The following TECRL variants were observed in gnomAD, a reference collection of about 807,000 sequenced individuals.
TECRL encodes the protein trans-2,3-enoyl-CoA reductase like, also known as trans-2,3-enoyl-CoA reductase-like.
In TECRL, 63 loss-of-function variants were observed where a neutral mutation model predicts 52.8. That is an observed-to-expected ratio of 1.19 (90% CI 0.97 to 1.47). TECRL has a LOEUF of 1.47. Ranked by LOEUF, TECRL falls within the 40% of genes most tolerant of loss-of-function variation. The pLI, the probability that TECRL is intolerant of heterozygous loss-of-function variation, is 0.00. For missense variants in TECRL, 482 were observed against 429.6 expected (o/e 1.12, Z -1.08); for synonymous variants, 164 against 141.9 (o/e 1.16, Z -1.10).
At chr4:64,311,996 T>C (rs1717039683) in intron 5 of TECRL, among the ~76,000 whole-genome samples, 1 of 152,132 alleles carries the variant, frequency 6.6e-6, no homozygotes, top group Admixed American at 6.6e-5. Context: ...TAAGGAAATG[T>C]TCAGGTAACA....
intron 7 of TECRL, 111 bp downstream of exon 7, chr4:64,305,055 T>C (rs1724249042): frequency 1.3e-6 from 1 of 748,628 alleles, no homozygotes; most frequent in African/African-American, 1.7e-5. Context: ...ATGAAAGCAA[T>C]TTAAAATGAA....
At chr4:64,298,523 T>C (rs137907331) in intron 8 of TECRL, among the ~76,000 whole-genome samples, 179 of 151,346 alleles carry the variant, frequency 1.2e-3, no homozygotes, top group African/African-American at 4.1e-3. Flanking sequence ...GTAACATAAC[T>C]TTTTTAAATA....
intron 8 of TECRL, among the ~76,000 whole-genome samples, chr4:64,297,461 TTAAGA>T (rs1243929858): frequency 6.6e-6 from 1 of 151,034 alleles, no homozygotes; most frequent in Non-Finnish European, 1.5e-5. Flanking sequence ...GCATTTACAA[TTAAGA>T]TAAGTCTTTT....
At chr4:64,347,164 A>G (rs1445341830) in intron 2 of TECRL, among the ~76,000 whole-genome samples, 2 of 152,058 alleles carry the variant, frequency 1.3e-5, no homozygotes, top group African/African-American at 4.8e-5. Flanking sequence ...TTCATCCTCC[A>G]CTCAATGTCA....
At chr4:64,328,735 G>A (rs574311975) in intron 2 of TECRL, among the ~76,000 whole-genome samples, 179 bp from the exon 3 acceptor site, 21 of 152,008 alleles carry the variant, frequency 1.4e-4, no homozygotes, top group Admixed American at 1.4e-3. Context: ...GACGGATAGT[G>A]ACTGAGAGAA....
intron 1 of TECRL, among the ~76,000 whole-genome samples, chr4:64,386,222 T>G (rs1723170306): frequency 1.3e-5 from 2 of 152,136 alleles, no homozygotes; most frequent in African/African-American, 4.8e-5. Flanking sequence ...TTAACCATTA[T>G]AAAGCATATA....
Position 64,339,426 on chromosome 4 carries a change from G to T in TECRL, c.287-10870C>A, listed in dbSNP as rs567174498. 2.6e-5 allele frequency among the ~76,000 whole-genome samples: 4 copies of T among 151,532 alleles called. No individual in the cohort carries two copies. In the East Asian group the frequency reaches 5.8e-4, roughly 22 times the overall value. On this transcript the variant is annotated intron_variant, in intron 2 of 11. Transcript: ENST00000381210. ...CTGCATGTTTTGCACATGTACCCTA[G>T]AACTTAAAGTATAATAAAAATATAT...
intron 2 of TECRL, among the ~76,000 whole-genome samples, chr4:64,329,567 T>G (rs1345375442): frequency 6.6e-6 from 1 of 151,908 alleles, no homozygotes; most frequent in African/African-American, 2.4e-5. Context: ...CTATTATGTG[T>G]GGGTATTGTA....
intron 2 of TECRL, among the ~76,000 whole-genome samples, chr4:64,329,297 A>T (rs1470648636): frequency 6.6e-6 from 1 of 151,960 alleles, no homozygotes; most frequent in East Asian, 1.9e-4. Flanking sequence ...CAAATTTACC[A>T]CACGTATAAT....
chr4:64,374,244 C>T (rs12510045), intron 2 of TECRL, among the ~76,000 whole-genome samples: 134,633 of 150,410 alleles, frequency 0.9, 60,961 homozygotes, highest in East Asian at 1. Flanking sequence ...TTCCTTCCTG[C>T]ATAGGCTTTC....
intron 10 of TECRL, 35 bp downstream of exon 10, chr4:64,281,439 T>G (rs1462715303): frequency 1.6e-6 from 2 of 1,261,466 alleles, no homozygotes; most frequent in Admixed American, 4.1e-5. Flanking sequence ...ATATCATGAA[T>G]AGGATTCAAG....
At chr4:64,283,085 T>G (rs1012333616) in intron 9 of TECRL, among the ~76,000 whole-genome samples, 4 of 152,004 alleles carry the variant, frequency 2.6e-5, no homozygotes, top group African/African-American at 9.7e-5. Context: ...ACTCACTGAT[T>G]TAGCTTTACT....
intron 4 of TECRL, among the ~76,000 whole-genome samples, chr4:64,322,059 C>T (rs777885042): frequency 2.0e-5 from 3 of 151,928 alleles, no homozygotes; most frequent in African/African-American, 4.8e-5. Context: ...AGAAATTGAC[C>T]CCTATTACTG....
rs1560492129 is a variant in TECRL at position 64,314,593 on chromosome 4, GTGTGT to G, written c.551+50_551+54del. On this transcript the variant is annotated intron_variant, in intron 5 of 11. Coordinates refer to ENST00000381210, the MANE Select transcript of TECRL (RefSeq NM_001010874.5). The stretch of plus-strand genomic sequence containing the variant: ...TCATCCCCTCCTTAACGTGTATGGT[GTGTGT>G]GTGTGTGTGTGTGTGTGTGTGTGTG... 53,661 of 263,200 alleles carry G rather than the reference GTGTGT, an allele frequency of 0.2. 2,625 individuals carry two copies. Among genetic ancestry groups the G allele is most frequent in the East Asian group, 0.29 (5,313 of 18,604 alleles). The allele number at this position is 263,200 out of a possible 1,614,324, so 16.3% of individuals were successfully genotyped here.
At chr4:64,328,665 G>T (rs1481414896) in intron 2 of TECRL, 109 bp from the exon 3 acceptor site, 10 of 885,954 alleles carry the variant, frequency 1.1e-5, no homozygotes, top group Non-Finnish European at 1.6e-5. Context: ...AAATAAAATG[G>T]GTTATCTAGT....
rs1046387190 is a variant in TECRL at position 64,280,126 on chromosome 4, T to C, written c.1038A>G (p.Arg346=). The part of the protein sequence containing the change: ...WAQKKHKIYL[R]KFNSYIHRKS... ...TTCTATGAATATATGAATTGAATTT[T>C]CTCAGATAAATCTTATGTTTCTTTT... The change falls in exon 12 of 12, where the codon AGA becomes AGG. Residue 346 remains arginine (R), a synonymous_variant. Coordinates refer to ENST00000381210, the MANE Select transcript of TECRL (RefSeq NM_001010874.5). The C allele has an allele frequency of 1.9e-6, 3 of 1,604,594 alleles. No individual in the cohort carries two copies. The highest frequency in any genetic ancestry group is 1.7e-4 in the Middle Eastern group (1 of 6,000).
chr4:64,305,960 A>T (rs1724312360), intron 6 of TECRL, among the ~76,000 whole-genome samples: 1 of 151,978 alleles, frequency 6.6e-6, no homozygotes, highest in South Asian at 2.1e-4. Flanking sequence ...TGCCTTACAC[A>T]CTCTCCAGTG....
chr4:64,306,614 C>G (rs1431690006), intron 6 of TECRL, among the ~76,000 whole-genome samples: 1 of 152,090 alleles, frequency 6.6e-6, no homozygotes, highest in East Asian at 1.9e-4. Context: ...AACAATGTTG[C>G]TTTTACCTGT....
rs1283707248 is a variant in TECRL at position 64,405,802 on chromosome 4, C to T, written c.234+3316G>A. 4.6e-5 allele frequency among the ~76,000 whole-genome samples: 7 copies of T among 151,930 alleles called. No individual in the cohort carries two copies. In the South Asian group the frequency reaches 6.2e-4, roughly 14 times the overall value. On this transcript the variant is annotated intron_variant, in intron 1 of 11. Transcript: ENST00000381210. ...AGCAATAAGGAAAGGGAAAAGCCAA[C>T]GAAGTTGGTTAAAAAAAGTGTATAT...
Sources: gnomAD v4.1 joint callset for allele counts (sites outside exome capture counted in the v4.1 genomes callset) on GRCh38, gnomAD v4.1.1 for gene constraint, MANE v1.5 for transcripts, NCBI Gene and HGNC (gene_info 2026-07-23, HGNC 2026-07-21) for gene names.